NR3C2: variants seen among roughly 807,000 people sequenced by gnomAD.
NR3C2 encodes the protein nuclear receptor subfamily 3 group C member 2.
Under a neutral mutation model 86.4 loss-of-function variants are expected in NR3C2, and 15 were observed. That is an observed-to-expected ratio of 0.17 (90% CI 0.12 to 0.27). The LOEUF is 0.27. NR3C2 is among the 10% of genes least tolerant of loss of function. The pLI is 1.00. For missense variants in NR3C2, 960 were observed against 1,195.6 expected, an observed-to-expected ratio of 0.80 and a Z score of 2.91; for synonymous variants, 458 against 450.5, an observed-to-expected ratio of 1.02 and a Z score of -0.21.
intron 3 of NR3C2, among the ~76,000 whole-genome samples, chr4:148,206,825 C>T (rs548086137): frequency 9.2e-5 from 14 of 152,150 alleles, no homozygotes; most frequent in Non-Finnish European, 1.9e-4. Flanking sequence ...AATATGACAG[C>T]ATGAGCTGAA....
At chr4:148,082,999 A>C (rs1376136409) in intron 8 of NR3C2, among the ~76,000 whole-genome samples, 2 of 152,014 alleles carry the variant, frequency 1.3e-5, no homozygotes, top group Non-Finnish European at 2.9e-5. Context: ...AGCTCCCCAA[A>C]ACCACTGTAG....
chr4:148,420,203 G>C (rs1416728785), intron 2 of NR3C2, among the ~76,000 whole-genome samples: 2 of 152,124 alleles, frequency 1.3e-5, no homozygotes, highest in Non-Finnish European at 2.9e-5. Flanking sequence ...AGTGACGCTG[G>C]CCAGAAAATA....
chr4:148,410,739 T>C (rs1170904314), intron 2 of NR3C2, among the ~76,000 whole-genome samples: 1 of 152,156 alleles, frequency 6.6e-6, no homozygotes, highest in Admixed American at 6.5e-5. Context: ...AAAAGGTCAC[T>C]CCAAGCAGTG....
At chr4:148,137,632 T>TA (rs1349163146) in intron 6 of NR3C2, among the ~76,000 whole-genome samples, 3 of 152,190 alleles carry the variant, frequency 2.0e-5, no homozygotes, top group Non-Finnish European at 2.9e-5. Flanking sequence ...CAGGCGGAAT[T>TA]AGAGTCTGGG....
At chr4:148,289,500 T>C (rs893634160) in intron 2 of NR3C2, among the ~76,000 whole-genome samples, 2 of 152,202 alleles carry the variant, frequency 1.3e-5, no homozygotes, top group Non-Finnish European at 2.9e-5. Context: ...GGTTGTTACA[T>C]TTGTACTTAA....
intron 4 of NR3C2, among the ~76,000 whole-genome samples, chr4:148,184,290 A>T (rs1735783782): frequency 1.1e-5 from 1 of 90,534 alleles, no homozygotes; most frequent in Non-Finnish European, 2.8e-5. Flanking sequence ...CTCTACTAAA[A>T]ATACAAAAAA....
chr4:148,172,898 G>C (rs1244429523), intron 4 of NR3C2, among the ~76,000 whole-genome samples: 1 of 152,188 alleles, frequency 6.6e-6, no homozygotes. Flanking sequence ...TATAGGAAAA[G>C]TCTTAACAAA....
intron 3 of NR3C2, among the ~76,000 whole-genome samples, chr4:148,257,749 TACAAAAAC>T (rs1739902154): frequency 6.6e-6 from 1 of 152,042 alleles, no homozygotes; most frequent in African/African-American, 2.4e-5. Flanking sequence ...TAACAAAAAA[TACAAAAAC>T]ACAAAAACAA....
At chr4:148,199,464 CT>C (rs911943043) in intron 3 of NR3C2, among the ~76,000 whole-genome samples, 2 of 151,868 alleles carry the variant, frequency 1.3e-5, no homozygotes, top group Non-Finnish European at 1.5e-5. Context: ...CTCGCTATCT[CT>C]TTTTTTTAAT....
intron 6 of NR3C2, among the ~76,000 whole-genome samples, chr4:148,127,824 A>G (rs1732823557): frequency 6.6e-6 from 1 of 152,232 alleles, no homozygotes; most frequent in Non-Finnish European, 1.5e-5. Context: ...AATTTTCTCA[A>G]ATGAGGAAGC....
rs116355374 is a variant in NR3C2, at chr4:148,414,496, C to T, written c.1757+20608G>A. ...ATAAATAAGGCATCATATGAAAATT[C>T]CTAACCACTGTCTAGATGATATGGC... On this transcript the variant is annotated intron_variant, in intron 2 of 8. Transcript: ENST00000358102. Among the ~76,000 whole-genome samples the T allele has an allele frequency of 9.1e-3, 1,379 of 152,188 alleles. 9 individuals carry two copies. The highest frequency in any genetic ancestry group is 0.015 in the Non-Finnish European group (988 of 67,976).
intron 2 of NR3C2, among the ~76,000 whole-genome samples, chr4:148,295,440 G>A (rs1404292317): frequency 6.6e-6 from 1 of 151,168 alleles, no homozygotes; most frequent in Non-Finnish European, 1.5e-5. Flanking sequence ...CTACCTCTCT[G>A]TGTGCATGCT....
chr4:148,420,000 T>TC lies in NR3C2; in HGVS notation c.1757+15103dup, dbSNP rs1749199803. On this transcript the variant is annotated intron_variant, in intron 2 of 8. Coordinates refer to ENST00000358102, the MANE Select transcript of NR3C2 (RefSeq NM_000901.5). The stretch of plus-strand genomic sequence containing the variant: ...GGCCAGACCCTTTGAAGACACATCT[T>TC]CCTGTGTTCTTAGTACATGGGGTTG... Among the ~76,000 whole-genome samples the TC allele has an allele frequency of 7.2e-5, 11 of 152,280 alleles. No homozygotes were observed. The South Asian group carries it at 2.3e-3, about 32-fold the overall frequency.
At chr4:148,161,386 G>A (rs1734652702) in intron 4 of NR3C2, among the ~76,000 whole-genome samples, 1 of 151,284 alleles carries the variant, frequency 6.6e-6, no homozygotes, top group Non-Finnish European at 1.5e-5. Context: ...GTCTCACTCT[G>A]TTGCCCAGGG....
intron 6 of NR3C2, among the ~76,000 whole-genome samples, chr4:148,133,593 G>T (rs1421085317): frequency 6.6e-6 from 1 of 152,180 alleles, no homozygotes; most frequent in African/African-American, 2.4e-5. Flanking sequence ...TACAATAAAA[G>T]ATTTGTATTA....
At chr4:148,323,724 C>T (rs997474031) in intron 2 of NR3C2, among the ~76,000 whole-genome samples, 2 of 152,142 alleles carry the variant, frequency 1.3e-5, no homozygotes, top group Admixed American at 6.5e-5. Flanking sequence ...GGCAATGCCT[C>T]GCCCTGCTTC....
chr4:148,440,839 G>A (rs1051418377), intron 1 of NR3C2, among the ~76,000 whole-genome samples: 2 of 152,126 alleles, frequency 1.3e-5, no homozygotes, highest in African/African-American at 4.8e-5. Context: ...ATTTTATCTG[G>A]AAACACTTTC....
At position 148,186,988 on chromosome 4, in the gene NR3C2, GTATGTATGTATATATATATATA is replaced by G. The variant is rs1296766795; in HGVS notation, c.2014+7736_2014+7757del. On this transcript the variant is annotated intron_variant, in intron 4 of 8. Coordinates refer to ENST00000358102, the MANE Select transcript of NR3C2 (RefSeq NM_000901.5). Reference sequence around the variant, plus strand: ...ATAGTATTCCATCATACTGATGTGTGTATGTATGTATATATATATATATATATATATATATATATATATATAT... The same window carrying G: ...ATAGTATTCCATCATACTGATGTGTGTATATATATATATATATATATATAT... 3.0e-3 allele frequency among the ~76,000 whole-genome samples: 41 copies of G among 13,694 alleles called. 2 individuals carry two copies. Among genetic ancestry groups the G allele is most frequent in the African/African-American group, 0.029 (34 of 1,160 alleles). 9.0% of individuals were successfully genotyped at this position (13,694 alleles called of 152,430 possible).
chr4:148,259,735 G>A (rs1158046918), intron 3 of NR3C2, among the ~76,000 whole-genome samples: 1 of 152,084 alleles, frequency 6.6e-6, no homozygotes, highest in Non-Finnish European at 1.5e-5. Context: ...AACAAACTGT[G>A]ACAAACAACA....
Sources: allele counts gnomAD v4.1 joint callset (sites outside exome capture counted in the v4.1 genomes callset), GRCh38; gene constraint gnomAD v4.1.1; transcripts MANE v1.5; gene names NCBI Gene and HGNC (gene_info 2026-07-23, HGNC 2026-07-21).